Variants in IFT27 observed in about 807,000 individuals in gnomAD.
IFT27 encodes intraflagellar transport 27, also known as intraflagellar transport protein 27 homolog.
Under a neutral mutation model 23.9 loss-of-function variants are expected in IFT27, and 19 were observed. The ratio of observed to expected loss-of-function variants is 0.79; its 90% CI spans 0.55 to 1.16. The LOEUF is 1.16. Ranked by LOEUF, IFT27 falls within the 50% of genes most tolerant of loss-of-function variation. IFT27 has a pLI of 0.00. For missense variants in IFT27, 206 were observed against 228.7 expected (o/e 0.90, Z 0.64); for synonymous variants, 91 against 89.1 (o/e 1.02, Z -0.12).
At position 36,764,059 on chromosome 22, in the gene IFT27, G is replaced by A. The variant is rs372206533; in HGVS notation, c.235-23C>T. On this transcript the variant is annotated intron_variant, in intron 4 of 6. Coordinates refer to ENST00000433985, the MANE Select transcript of IFT27 (RefSeq NM_001177701.3). ...CCACTGTGCAAGAGGGACAGGATGA[G>A]TATGGGTCAGTAACAGGAAAAGTGA... is the stretch of plus-strand genomic sequence containing the variant. The A allele has an allele frequency of 4.0e-6, 6 of 1,516,394 alleles. No individual in the cohort carries two copies. In the African/African-American group the frequency reaches 6.9e-5, roughly 17 times the overall value. The allele number at this position is 1,516,394 out of a possible 1,614,324, so 93.9% of individuals were successfully genotyped here. A position where few individuals can be genotyped will look rare whatever the true frequency, so the allele number is the denominator to read the frequency against.
At chr22:36,759,755 A>G (rs1223536493) in intron 6 of IFT27, 2 of 152,254 alleles carry the variant, frequency 1.3e-5, no homozygotes, top group Non-Finnish European at 2.9e-5. Context: ...AACGTTGCAG[A>G]AGGCATCAAG....
chr22:36,775,646 G>A (rs1418760309), intron 1 of IFT27, 28 bp downstream of exon 1: 6 of 1,613,206 alleles, frequency 3.7e-6, no homozygotes, highest in Non-Finnish European at 4.2e-6. Context: ...AGAGACCACC[G>A]TATTCAAGCG....
rs1938488696 is a variant in IFT27, at chr22:36,775,833, G to A, written c.-126C>T. On this transcript the variant is annotated 5_prime_UTR_variant, in exon 1 of 7. Transcript: ENST00000433985. Reference sequence around the variant, plus strand: ...GTGGGGAGGGGAGGGCTGATCTCAAGGGTCAGTGGCCGCGACGGGACTGGG... The same window carrying A: ...GTGGGGAGGGGAGGGCTGATCTCAAAGGTCAGTGGCCGCGACGGGACTGGG... 1 of 934,484 alleles carries A rather than the reference G, an allele frequency of 1.1e-6. No homozygotes were observed. The highest frequency in any genetic ancestry group is 2.5e-5 in the East Asian group (1 of 39,894). 57.9% of individuals were successfully genotyped at this position (934,484 alleles called of 1,614,324 possible). A position where few individuals can be genotyped will look rare whatever the true frequency, so the allele number is the denominator to read the frequency against.
rs1475225990 is a variant in IFT27 at position 36,764,049 on chromosome 22, G to A, written c.235-13C>T. ...TGGGACTCTCCCACTGTGCAAGAGGGACAGGATGAGTATGGGTCAGTAACA... is the reference window on the plus strand; with the variant it reads ...TGGGACTCTCCCACTGTGCAAGAGGAACAGGATGAGTATGGGTCAGTAACA... On this transcript the variant is annotated splice_polypyrimidine_tract_variant and intron_variant, in intron 4 of 6. Coordinates refer to ENST00000433985, the MANE Select transcript of IFT27 (RefSeq NM_001177701.3). The A allele has an allele frequency of 7.6e-6, 12 of 1,569,136 alleles. No homozygotes were observed. Among genetic ancestry groups the A allele is most frequent in the Non-Finnish European group, 9.7e-6 (11 of 1,138,988 alleles).
At chr22:36,769,229 C>T (rs1161589795) in intron 1 of IFT27, among the ~76,000 whole-genome samples, 1 of 152,166 alleles carries the variant, frequency 6.6e-6, no homozygotes. Flanking sequence ...TCCTTCCCCG[C>T]CAAGGTATCA....
At chr22:36,767,702 C>A in intron 2 of IFT27, 81 bp downstream of exon 2, 1 of 1,297,424 alleles carries the variant, frequency 7.7e-7, no homozygotes, top group Non-Finnish European at 1.1e-6. Flanking sequence ...AGGCTTCCCT[C>A]AAGGAACTTC....
chr22:36,771,246 G>A (rs1468737427), intron 1 of IFT27, among the ~76,000 whole-genome samples: 1 of 152,160 alleles, frequency 6.6e-6, no homozygotes, highest in African/African-American at 2.4e-5. Context: ...CCTTCCTGCA[G>A]TTACTACCCG....
intron 1 of IFT27, chr22:36,772,476 T>A (rs1008194525): frequency 9.9e-5 from 97 of 984,270 alleles, no homozygotes; most frequent in Admixed American, 3.1e-4. Flanking sequence ...AGTGTTTTTT[T>A]AAAAGTAAAC....
At chr22:36,766,047 A>T in intron 4 of IFT27, 91 bp downstream of exon 4, 3 of 1,003,140 alleles carry the variant, frequency 3.0e-6, no homozygotes, top group Non-Finnish European at 3.2e-6. Context: ...CCAACAGCAC[A>T]GTGCAGGGAA....
chr22:36,765,748 G>A (rs989376342), intron 4 of IFT27, among the ~76,000 whole-genome samples: 1 of 152,192 alleles, frequency 6.6e-6, no homozygotes, highest in African/African-American at 2.4e-5. Flanking sequence ...AGTGAGCCTC[G>A]TTATAGGCTG....
intron 1 of IFT27, among the ~76,000 whole-genome samples, chr22:36,773,762 T>C (rs1938438946): frequency 6.6e-6 from 1 of 151,380 alleles, no homozygotes; most frequent in African/African-American, 2.4e-5. Context: ...GTCTGGATCA[T>C]ACAGCTCTGC....
intron 1 of IFT27, among the ~76,000 whole-genome samples, chr22:36,771,731 C>A (rs1480007282): frequency 6.6e-6 from 1 of 152,238 alleles, no homozygotes; most frequent in Non-Finnish European, 1.5e-5. Context: ...ATTAAAATTT[C>A]TCTGCTGAAA....
chr22:36,770,968 C>T (rs962241772), intron 1 of IFT27, among the ~76,000 whole-genome samples: 1 of 152,202 alleles, frequency 6.6e-6, no homozygotes, highest in African/African-American at 2.4e-5. Context: ...CACTGCTCTT[C>T]CCGCCTGCTT....
chr22:36,771,373 CCT>C (rs1938382466), intron 1 of IFT27, among the ~76,000 whole-genome samples: 1 of 152,216 alleles, frequency 6.6e-6, no homozygotes, highest in Non-Finnish European at 1.5e-5. Context: ...TTGCCTGGCC[CCT>C]GACTTATGTA....
rs1327442615 is a variant in IFT27, at chr22:36,763,390, CTCGGCTCG to C, written c.353-385_353-378del. On this transcript the variant is annotated intron_variant, in intron 5 of 6. Transcript: ENST00000433985. ...CTGGTCATTAATAGTAATCTAAGGA[CTCGGCTCG>C]GAGTCAGGGATTCAGAGGTAATTTA... is the stretch of plus-strand genomic sequence containing the variant. 8 of 258,694 alleles carry C rather than the reference CTCGGCTCG, an allele frequency of 3.1e-5. No homozygotes were observed. In the East Asian group the frequency reaches 6.7e-4, roughly 22 times the overall value. The allele number at this position is 258,694 out of a possible 1,614,324, so 16.0% of individuals were successfully genotyped here.
At chr22:36,760,294 A>G (rs966716965) in intron 6 of IFT27, 5 of 152,256 alleles carry the variant, frequency 3.3e-5, no homozygotes, top group African/African-American at 4.8e-5. Context: ...GGATTCGAAA[A>G]CACTCCACAA....
chr22:36,774,296 G>A lies in IFT27; in HGVS notation c.34+1378C>T, dbSNP rs572391894. Among the ~76,000 whole-genome samples the A allele has an allele frequency of 7.2e-5, 11 of 152,300 alleles. No homozygotes were observed. The East Asian group carries it at 2.1e-3, about 29-fold the overall frequency. ...ATCATTTATTCTCAGTCTGGAAGAG[G>A]GGAATTTTTTAAAACAGGAATCTCT... On this transcript the variant is annotated intron_variant, in intron 1 of 6. Coordinates refer to ENST00000433985, the MANE Select transcript of IFT27 (RefSeq NM_001177701.3).
At chr22:36,759,305 A>G (rs1346219663) in intron 6 of IFT27, 1 of 152,234 alleles carries the variant, frequency 6.6e-6, no homozygotes, top group East Asian at 1.9e-4. Flanking sequence ...ACTTTAAATC[A>G]AGTTCAGAAT....
chr22:36,766,138 C>T lies in IFT27; in HGVS notation c.234G>A (p.Leu78=). 1 of 1,613,750 alleles carries T rather than the reference C, an allele frequency of 6.2e-7. No homozygotes were observed. ...AGGAAAAAGACCACGTGCTACTTGC[C>T]AATTTATCCAGCATTTCCGAAAACA... ...KELFSEMLDK[L]WESPNVLCLV... The change falls in exon 4 of 7, where the codon TTG becomes TTA. Residue 78 remains leucine (L), a splice_region_variant and synonymous_variant. Coordinates refer to ENST00000433985, the MANE Select transcript of IFT27 (RefSeq NM_001177701.3).
Sources: allele counts gnomAD v4.1 joint callset (sites outside exome capture counted in the v4.1 genomes callset), GRCh38; gene constraint gnomAD v4.1.1; transcripts MANE v1.5; gene names NCBI Gene and HGNC (gene_info 2026-07-23, HGNC 2026-07-21).